BICD1: variants seen among roughly 807,000 people sequenced by gnomAD.
The protein encoded by BICD1 is BICD cargo adaptor 1, also known as protein bicaudal D homolog 1.
Under a neutral mutation model 92.5 loss-of-function variants are expected in BICD1, and 35 were observed. That is an observed-to-expected ratio of 0.38 (90% confidence interval 0.29 to 0.50). BICD1 has a LOEUF of 0.50. Among genes scored for constraint, BICD1 ranks in the 20% least tolerant of loss-of-function variants. The pLI is 0.93. For missense variants in BICD1, 950 were observed against 1,189.8 expected, an observed-to-expected ratio of 0.80 and a Z score of 2.97; for synonymous variants, 429 against 465.1, an observed-to-expected ratio of 0.92 and a Z score of 1.00.
intron 2 of BICD1, among the ~76,000 whole-genome samples, chr12:32,257,489 A>C (rs559871873): frequency 3.4e-4 from 51 of 152,164 alleles, no homozygotes; most frequent in Non-Finnish European, 6.3e-4. Flanking sequence ...GATAATATCA[A>C]ATGTTGGTCA....
chr12:32,118,370 C>T (rs981264187), intron 1 of BICD1, among the ~76,000 whole-genome samples: 5 of 152,012 alleles, frequency 3.3e-5, no homozygotes, highest in African/African-American at 1.2e-4. Flanking sequence ...TGTGAGCCAC[C>T]GAGCCTGGCC....
rs79211021 is a variant in BICD1 at position 32,316,135 on chromosome 12, CAAAAAAAA to C, written c.1005+10024_1005+10031del. ...TGGGCAACAGAGTGAGACCCTGTCT[CAAAAAAAA>C]AAAAAAAAAAGGCTTTGAGTTAGAT... On this transcript the variant is annotated intron_variant, in intron 4 of 9. Coordinates refer to ENST00000652176, the MANE Select transcript of BICD1 (RefSeq NM_001714.4). 5.6e-4 allele frequency among the ~76,000 whole-genome samples: 81 copies of C among 144,218 alleles called. 1 individual carries two copies. Among genetic ancestry groups the C allele is most frequent in the Admixed American group, 5.5e-4 (8 of 14,600 alleles). 94.6% of individuals were successfully genotyped at this position (144,218 alleles called of 152,430 possible). A position where few individuals can be genotyped will look rare whatever the true frequency, so the allele number is the denominator to read the frequency against.
chr12:32,346,694 A>C (rs1938646597), intron 8 of BICD1, among the ~76,000 whole-genome samples: 1 of 139,010 alleles, frequency 7.2e-6, no homozygotes, highest in Non-Finnish European at 1.5e-5. Context: ...ACACATACAT[A>C]CACATTCTGT....
chr12:32,238,174 G>A (rs900927538), intron 2 of BICD1, among the ~76,000 whole-genome samples: 8 of 152,228 alleles, frequency 5.3e-5, no homozygotes, highest in African/African-American at 7.2e-5. Context: ...AGGCTGAAGC[G>A]GGTGGATCAC....
At chr12:32,225,021 T>G (rs1045052013) in intron 2 of BICD1, among the ~76,000 whole-genome samples, 12 of 152,114 alleles carry the variant, frequency 7.9e-5, no homozygotes, top group Non-Finnish European at 1.5e-4. Flanking sequence ...TGTAAATAGA[T>G]TCATATAGCC....
chr12:32,262,534 C>G (rs1026962263), intron 2 of BICD1, among the ~76,000 whole-genome samples: 1 of 152,184 alleles, frequency 6.6e-6, no homozygotes. Flanking sequence ...ACATACTAAC[C>G]CTTGGTCCCT....
chr12:32,336,484 G>C (rs962681436), intron 6 of BICD1, among the ~76,000 whole-genome samples: 1 of 152,144 alleles, frequency 6.6e-6, no homozygotes, highest in Non-Finnish European at 1.5e-5. Context: ...CTGTCATCTG[G>C]TTGAGAAATC....
rs34219566 is a variant in BICD1 at position 32,300,631 on chromosome 12, A to ATTTT, written c.580-5040_580-5037dup. ...GTTGAGAGGAAGATGACTTTACAGT[A>ATTTT]TTTTTTTTTTTTTTTTTTTTTTTTT... On this transcript the variant is annotated intron_variant, in intron 3 of 9. Transcript: ENST00000652176. Among the ~76,000 whole-genome samples the ATTTT allele has an allele frequency of 1.2e-3, 97 of 80,582 alleles. 11 individuals are homozygous for ATTTT. The highest frequency in any genetic ancestry group is 1.8e-3 in the Non-Finnish European group (70 of 39,542). The allele number at this position is 80,582 out of a possible 152,430, so 52.9% of individuals were successfully genotyped here.
chr12:32,267,716 C>G (rs944720125), intron 2 of BICD1, among the ~76,000 whole-genome samples: 1 of 152,210 alleles, frequency 6.6e-6, no homozygotes, highest in African/African-American at 2.4e-5. Context: ...CACTGATCTG[C>G]AATGACATTT....
chr12:32,208,493 C>A (rs1260711250), intron 1 of BICD1, among the ~76,000 whole-genome samples: 1 of 152,128 alleles, frequency 6.6e-6, no homozygotes, highest in Non-Finnish European at 1.5e-5. Flanking sequence ...CCTCAGGAGC[C>A]CACACTCTTA....
At chr12:32,216,137 A>G (rs161975) in intron 1 of BICD1, 110 bp from the exon 2 acceptor site, 488,430 of 1,029,038 alleles carry the variant, frequency 0.47, 118,099 homozygotes, top group East Asian at 0.63. Flanking sequence ...GGGGTCTTGC[A>G]GGGTAGCTTT....
intron 1 of BICD1, among the ~76,000 whole-genome samples, chr12:32,147,889 A>G (rs924063910): frequency 2.6e-5 from 4 of 152,148 alleles, no homozygotes; most frequent in African/African-American, 4.8e-5. Flanking sequence ...CTAAAATTGT[A>G]GCACTTTGGG....
At chr12:32,230,506 G>A (rs1391064549) in intron 2 of BICD1, among the ~76,000 whole-genome samples, 4 of 152,142 alleles carry the variant, frequency 2.6e-5, no homozygotes, top group Admixed American at 1.3e-4. Flanking sequence ...TATTGAGAAT[G>A]CCAGGAATTA....
chr12:32,202,762 C>T (rs1944942826), intron 1 of BICD1, among the ~76,000 whole-genome samples: 1 of 152,094 alleles, frequency 6.6e-6, no homozygotes, highest in South Asian at 2.1e-4. Context: ...AGGTGTGCAC[C>T]ACCATGCCTG....
intron 5 of BICD1, among the ~76,000 whole-genome samples, chr12:32,331,843 G>T (rs758859959): frequency 2.6e-5 from 4 of 152,200 alleles, no homozygotes; most frequent in Non-Finnish European, 5.9e-5. Context: ...CATTTGGTCT[G>T]CACGTTCATG....
In BICD1 at chr12:32,337,900, G is replaced by A; in HGVS notation, c.2570+84G>A. The A allele has an allele frequency of 1.3e-6, 2 of 1,493,746 alleles. No homozygotes were observed. The highest frequency in any genetic ancestry group is 2.3e-5 in the South Asian group (2 of 85,704). 92.5% of individuals were successfully genotyped at this position (1,493,746 alleles called of 1,614,324 possible). Reference sequence around the variant, plus strand: ...AAATAAATGTGCTCTTGTTGTGGAGGATGGAGGAGGGGAAGCAAAAGAAAA... The same window carrying A: ...AAATAAATGTGCTCTTGTTGTGGAGAATGGAGGAGGGGAAGCAAAAGAAAA... On this transcript the variant is annotated intron_variant, in intron 7 of 9. Transcript: ENST00000652176. The surrounding 1 kb of genome is among the most constrained non-coding windows in gnomAD (Gnocchi z 4.7).
chr12:32,111,024 G>C lies in BICD1; in HGVS notation c.213+3480G>C, dbSNP rs1335916691. 3.3e-5 allele frequency among the ~76,000 whole-genome samples: 5 copies of C among 152,144 alleles called. No individual in the cohort carries two copies. In the East Asian group the frequency reaches 9.6e-4, roughly 29 times the overall value. ...AGAGTTTTTTTTTAACTTAAAAATG[G>C]TTGAAATTTAAAATGTTGTAAAGTT... On this transcript the variant is annotated intron_variant, in intron 1 of 9. Coordinates refer to ENST00000652176, the MANE Select transcript of BICD1 (RefSeq NM_001714.4).
In BICD1 at chr12:32,216,297, G is replaced by T. The variant is rs200761672; in HGVS notation, c.264G>T (p.Glu88Asp). 1 of 1,614,092 alleles carries T rather than the reference G, an allele frequency of 6.2e-7. No individual in the cohort carries two copies. Among genetic ancestry groups the T allele is most frequent in the Admixed American group, 1.7e-5 (1 of 60,016 alleles). ...SIHRKVAEDG[E>D]TREETLLQES... ...ACCGGAAGGTTGCTGAAGATGGAGA[G>T]ACTCGGGAGGAAACGCTTCTGCAGG... The change falls in exon 2 of 10, where the codon GAG (glutamate) becomes GAT (aspartate). Residue 88 changes from glutamate to aspartate, a missense_variant. Physicochemically the swap from Glu to Asp is conservative, Grantham distance 45. Transcript: ENST00000652176.
At chr12:32,257,392 A>G (rs1465096918) in intron 2 of BICD1, among the ~76,000 whole-genome samples, 3 of 152,146 alleles carry the variant, frequency 2.0e-5, no homozygotes, top group Non-Finnish European at 4.4e-5. Context: ...ATTGCTCACT[A>G]TAGATCTAGT....
Sources: gnomAD v4.1 joint callset for allele counts (sites outside exome capture counted in the v4.1 genomes callset) on GRCh38, gnomAD v4.1.1 for gene constraint, Gnocchi (gnomAD v3.1) non-coding constraint, MANE v1.5 for transcripts, NCBI Gene and HGNC (gene_info 2026-07-23, HGNC 2026-07-21) for gene names.